The following OSBPL3 variants were observed in gnomAD, a reference collection of about 807,000 sequenced individuals.
OSBPL3 encodes oxysterol binding protein like 3.
Under a neutral mutation model 120.1 loss-of-function variants are expected in OSBPL3, and 65 were observed. That is an observed-to-expected ratio of 0.54 (90% CI 0.44 to 0.67). The LOEUF is 0.67. Among genes scored for constraint, OSBPL3 ranks in the 30% least tolerant of loss-of-function variants. The pLI is 0.00. For missense variants in OSBPL3, 1,004 were observed against 1,082.1 expected (o/e 0.93, Z 1.01); for synonymous variants, 416 against 402.6 (o/e 1.03, Z -0.40).
At position 24,947,048 on chromosome 7, in the gene OSBPL3, A is replaced by G. The variant is rs1425004145; in HGVS notation, c.-150+32838T>C. Reference sequence around the variant, plus strand: ...ACAAAGAAAACAATCTGTACCACAGAAGGCTGGACTGCTGAGTTCTAGCAA... The same window carrying G: ...ACAAAGAAAACAATCTGTACCACAGGAGGCTGGACTGCTGAGTTCTAGCAA... On this transcript the variant is annotated intron_variant, in intron 1 of 22. Coordinates refer to ENST00000313367, the MANE Select transcript of OSBPL3 (RefSeq NM_015550.4). This position sits in a 1 kb window ranked among gnomAD's most constrained non-coding sequence, Gnocchi z 4.4. 6.6e-6 allele frequency among the ~76,000 whole-genome samples: 1 copy of G among 152,232 alleles called. No individual in the cohort carries two copies. Among genetic ancestry groups the G allele is most frequent in the Non-Finnish European group, 1.5e-5 (1 of 68,046 alleles).
intron 20 of OSBPL3, among the ~76,000 whole-genome samples, chr7:24,807,517 T>TAATAATAATAAC (rs139700441): frequency 6.8e-4 from 103 of 151,274 alleles, no homozygotes; most frequent in Middle Eastern, 3.4e-3. Context: ...ATAATAATAA[T>TAATAATAATAAC]AACAACAATA....
chr7:24,973,806 A>C (rs1045896561), intron 1 of OSBPL3, among the ~76,000 whole-genome samples: 7 of 152,192 alleles, frequency 4.6e-5, no homozygotes, highest in Non-Finnish European at 7.3e-5. Context: ...CTTTATAAAA[A>C]ATATTATACT....
chr7:24,836,390 T>C (rs1396024959), intron 14 of OSBPL3, among the ~76,000 whole-genome samples: 1 of 152,240 alleles, frequency 6.6e-6, no homozygotes, highest in East Asian at 1.9e-4. Context: ...AGTGCTTTCA[T>C]GAGCACTTCT....
At position 24,879,471 on chromosome 7, in the gene OSBPL3, A is replaced by G. The variant is rs950054798; in HGVS notation, c.97-7402T>C. Among the ~76,000 whole-genome samples, 9 of 152,200 alleles carry G rather than the reference A, an allele frequency of 5.9e-5. No homozygotes were observed. The highest frequency in any genetic ancestry group is 2.2e-4 in the African/African-American group (9 of 41,458). ...CCTCAGGCCAGAGCTAGGGAAGTGAATATCCAGATAATTCAGGCCCCAGAA... is the reference window on the plus strand; with the variant it reads ...CCTCAGGCCAGAGCTAGGGAAGTGAGTATCCAGATAATTCAGGCCCCAGAA... On this transcript the variant is annotated intron_variant, in intron 2 of 22. Coordinates refer to ENST00000313367, the MANE Select transcript of OSBPL3 (RefSeq NM_015550.4). The surrounding 1 kb of genome is among the most constrained non-coding windows in gnomAD (Gnocchi z 5.6).
Position 24,815,095 on chromosome 7 carries a change from A to G in OSBPL3, c.2136T>C (p.His712=). ...HYGEIVIKNL[H]DDSCYCKVNF... ...TCACTTTGCAGTAGCAGGAATCATC[A>G]TGCAGGTTCTTGATGACAATCTCTC... Residue 712 remains histidine, a synonymous_variant, in exon 19 of 23, where the codon CAT becomes CAC. Transcript: ENST00000313367. The surrounding 1 kb of genome is among the most constrained non-coding windows in gnomAD (Gnocchi z 5.1). 6.2e-7 allele frequency: 1 copy of G among 1,613,800 alleles called. No homozygotes were observed.
chr7:24,935,900 T>A (rs998309332), intron 1 of OSBPL3, among the ~76,000 whole-genome samples: 2 of 152,150 alleles, frequency 1.3e-5, no homozygotes, highest in Admixed American at 1.3e-4. Context: ...TTTATTATTA[T>A]ACTTTAAGTT....
intron 1 of OSBPL3, among the ~76,000 whole-genome samples, chr7:24,925,881 T>G (rs1584640381): frequency 6.6e-6 from 1 of 152,256 alleles, no homozygotes; most frequent in South Asian, 2.1e-4. Context: ...TTGAACAGAA[T>G]AGCAGTTTTA....
intron 1 of OSBPL3, among the ~76,000 whole-genome samples, chr7:24,915,275 T>A (rs1208887084): frequency 2.6e-5 from 4 of 152,206 alleles, no homozygotes; most frequent in African/African-American, 9.6e-5. Flanking sequence ...TTCCATAATC[T>A]GACCCCTGAT....
intron 1 of OSBPL3, 22 bp from the exon 2 acceptor site, chr7:24,892,643 G>A: frequency 2.2e-6 from 3 of 1,344,224 alleles, no homozygotes; most frequent in Non-Finnish European, 2.9e-6. Context: ...AAATTAGAAA[G>A]AAGGTCAGAG....
chr7:24,899,775 A>G lies in OSBPL3; in HGVS notation c.-149-7154T>C, dbSNP rs1371470722. On this transcript the variant is annotated intron_variant, in intron 1 of 22. Coordinates refer to ENST00000313367, the MANE Select transcript of OSBPL3 (RefSeq NM_015550.4). The surrounding 1 kb of genome is among the most constrained non-coding windows in gnomAD (Gnocchi z 4.0). ...ACTATACAATCACCTACAATTTCTC[A>G]AAGTGTCCAGATCCACCTTCTTCAA... 6.6e-6 allele frequency among the ~76,000 whole-genome samples: 1 copy of G among 152,172 alleles called. No individual in the cohort carries two copies. Among genetic ancestry groups the G allele is most frequent in the Non-Finnish European group, 1.5e-5 (1 of 68,026 alleles).
chr7:24,941,369 A>G (rs960175706), intron 1 of OSBPL3, among the ~76,000 whole-genome samples: 2 of 152,112 alleles, frequency 1.3e-5, no homozygotes, highest in African/African-American at 4.8e-5. Flanking sequence ...TCTACTCCCA[A>G]CATTTCCCCT....
At chr7:24,882,610 C>T (rs1803869728) in intron 2 of OSBPL3, among the ~76,000 whole-genome samples, 1 of 152,178 alleles carries the variant, frequency 6.6e-6, no homozygotes, top group African/African-American at 2.4e-5. Context: ...TGGCAAGATA[C>T]CCAGTAGATC....
chr7:24,973,961 G>C (rs548676405), intron 1 of OSBPL3, among the ~76,000 whole-genome samples: 14 of 152,194 alleles, frequency 9.2e-5, no homozygotes, highest in African/African-American at 3.4e-4. Flanking sequence ...AGTAGACAAA[G>C]AGTAAAAGAA....
At position 24,857,164 on chromosome 7, in the gene OSBPL3, T is replaced by C. The variant is rs555815863; in HGVS notation, c.1027+4449A>G. Among the ~76,000 whole-genome samples the C allele has an allele frequency of 1.2e-4, 18 of 152,328 alleles. No homozygotes were observed. In the South Asian group the frequency reaches 3.5e-3, roughly 30 times the overall value. ...ACCACTCAATACTTACTACTCAACA[T>C]AGGGAAAGAATCCAGAAAGAAAAGA... On this transcript the variant is annotated intron_variant, in intron 10 of 22. Transcript: ENST00000313367.
rs1197687293 is a variant in OSBPL3, at chr7:24,866,064, C to T, written c.549+6G>A. ...TCAGATTCATTATTGGCAAAACACT[C>T]ATTACCTTCCTACTTGAAATGGAGT... On this transcript the variant is annotated splice_donor_region_variant and intron_variant, in intron 6 of 22. Coordinates refer to ENST00000313367, the MANE Select transcript of OSBPL3 (RefSeq NM_015550.4). 6.2e-7 allele frequency: 1 copy of T among 1,610,908 alleles called. No individual in the cohort carries two copies. The highest frequency in any genetic ancestry group is 8.5e-7 in the Non-Finnish European group (1 of 1,177,296).
At chr7:24,801,324 G>C (rs1000288321) in intron 22 of OSBPL3, among the ~76,000 whole-genome samples, 13 of 150,698 alleles carry the variant, frequency 8.6e-5, no homozygotes, top group African/African-American at 3.2e-4. Flanking sequence ...TCTTTGAATA[G>C]AGAATATATG....
intron 12 of OSBPL3, among the ~76,000 whole-genome samples, chr7:24,843,088 C>G (rs1797980056): frequency 6.6e-6 from 1 of 152,286 alleles, no homozygotes; most frequent in Middle Eastern, 3.4e-3. Flanking sequence ...GCATGACCCT[C>G]CATTCTCCAC....
At chr7:24,962,474 AGAG>A (rs1384205985) in intron 1 of OSBPL3, among the ~76,000 whole-genome samples, 3 of 148,722 alleles carry the variant, frequency 2.0e-5, no homozygotes, top group Non-Finnish European at 3.0e-5. Flanking sequence ...AGAGGAGGAG[AGAG>A]GAGGAGAGCA....
chr7:24,816,508 A>G (rs868500395), intron 18 of OSBPL3, 102 bp downstream of exon 18: 1 of 745,892 alleles, frequency 1.3e-6, no homozygotes, highest in Non-Finnish European at 2.4e-6. Flanking sequence ...AAAAATACAC[A>G]CTCAATGCAA....
Sources: gnomAD v4.1 joint callset for allele counts (sites outside exome capture counted in the v4.1 genomes callset) on GRCh38, gnomAD v4.1.1 for gene constraint, Gnocchi (gnomAD v3.1) non-coding constraint, MANE v1.5 for transcripts, NCBI Gene and HGNC (gene_info 2026-07-23, HGNC 2026-07-21) for gene names.